NFASC: variants seen among roughly 807,000 people sequenced by gnomAD.
NFASC encodes the protein neurofascin homolog.
NFASC carries 43 observed loss-of-function variants against 147.5 expected under a neutral mutation model. That is an observed-to-expected ratio of 0.29 (90% CI 0.23 to 0.38). The LOEUF (loss-of-function observed/expected upper bound fraction) is 0.38. NFASC is among the 10% of genes least tolerant of loss of function. The pLI is 1.00. For missense variants in NFASC, 1,320 were observed against 1,689.0 expected (o/e 0.78, Z 3.83); for synonymous variants, 622 against 665.5 (o/e 0.93, Z 1.01).
At chr1:204,843,267 C>T (rs944538121) in intron 1 of NFASC, among the ~76,000 whole-genome samples, 52 of 152,224 alleles carry the variant, frequency 3.4e-4, no homozygotes, top group African/African-American at 1.2e-3. Context: ...ATTGTGCTTG[C>T]TGGGACTATT....
At chr1:204,962,413 A>T (rs2094723708) in intron 8 of NFASC, among the ~76,000 whole-genome samples, 2 of 152,244 alleles carry the variant, frequency 1.3e-5, no homozygotes, top group African/African-American at 4.8e-5. Flanking sequence ...CCAGGGTAGG[A>T]CTTCAAAAGA....
At chr1:204,830,592 A>ATGTG (rs1033952208) in intron 1 of NFASC, among the ~76,000 whole-genome samples, 4 of 143,994 alleles carry the variant, frequency 2.8e-5, no homozygotes, top group African/African-American at 1.0e-4. Context: ...GTGTGTTGTG[A>ATGTG]TGTGTGTGTG....
Position 204,830,138 on chromosome 1 carries a change from G to A in NFASC, c.-200+1356G>A, listed in dbSNP as rs1283989998. Reference sequence around the variant, plus strand: ...TGTCCCTGGCATGAGGGCCTAGTGCGTCTCATCTACCCTTGGAAATGTGCT... The same window carrying A: ...TGTCCCTGGCATGAGGGCCTAGTGCATCTCATCTACCCTTGGAAATGTGCT... On this transcript the variant is annotated intron_variant, in intron 1 of 29. Transcript: ENST00000339876. Among the ~76,000 whole-genome samples, 7 of 152,034 alleles carry A rather than the reference G, an allele frequency of 4.6e-5. No homozygotes were observed. The South Asian group carries it at 6.2e-4, about 13-fold the overall frequency.
At chr1:204,876,498 G>A (rs888605727) in intron 1 of NFASC, among the ~76,000 whole-genome samples, 17 of 151,978 alleles carry the variant, frequency 1.1e-4, no homozygotes, top group African/African-American at 4.1e-4. Flanking sequence ...GTACAGTTTG[G>A]TGGCATTAAG....
At chr1:204,908,552 C>T (rs1373682794) in intron 1 of NFASC, among the ~76,000 whole-genome samples, 2 of 151,962 alleles carry the variant, frequency 1.3e-5, no homozygotes, top group Non-Finnish European at 2.9e-5. Context: ...TCAGTTGTAG[C>T]AGATAACACT....
intron 1 of NFASC, among the ~76,000 whole-genome samples, chr1:204,835,014 G>C (rs750159308): frequency 5.3e-5 from 8 of 152,178 alleles, no homozygotes; most frequent in African/African-American, 1.9e-4. Flanking sequence ...TTGGGTCAGC[G>C]TTACCACATC....
At chr1:205,012,089 T>G (rs1363461564) in intron 28 of NFASC, among the ~76,000 whole-genome samples, 1 of 152,194 alleles carries the variant, frequency 6.6e-6, no homozygotes, top group Non-Finnish European at 1.5e-5. Flanking sequence ...TTCATGTAAG[T>G]GCCCGCTGTG....
At chr1:204,984,215 TATAAG>T in intron 21 of NFASC, 1 of 956,292 alleles carries the variant, frequency 1.0e-6, no homozygotes, top group South Asian at 1.3e-5. Flanking sequence ...AAATGCGGGC[TATAAG>T]ATATTTGAAA....
At chr1:204,861,542 T>G (rs890568254) in intron 1 of NFASC, among the ~76,000 whole-genome samples, 2 of 152,164 alleles carry the variant, frequency 1.3e-5, no homozygotes, top group Admixed American at 1.3e-4. Flanking sequence ...CAAGCTGGAG[T>G]GCAGTGGCGT....
chr1:205,001,378 T>G, intron 26 of NFASC, 92 bp downstream of exon 26: 2 of 758,826 alleles, frequency 2.6e-6, no homozygotes, highest in Non-Finnish European at 4.6e-6. Context: ...TCCTGTGAAC[T>G]CCCCCAGGCT....
intron 1 of NFASC, among the ~76,000 whole-genome samples, chr1:204,852,309 G>A (rs1257532554): frequency 1.3e-5 from 2 of 152,132 alleles, no homozygotes; most frequent in Admixed American, 1.3e-4. Context: ...GACCAGCCTG[G>A]CCAAAATGGC....
At chr1:204,991,818 G>T (rs559596267) in intron 24 of NFASC, among the ~76,000 whole-genome samples, 5 of 152,248 alleles carry the variant, frequency 3.3e-5, no homozygotes, top group African/African-American at 4.8e-5. Flanking sequence ...GGCTCTGCCA[G>T]CCACCACGGG....
intron 25 of NFASC, chr1:204,999,325 C>T (rs2150831824): frequency 6.6e-6 from 1 of 152,342 alleles, no homozygotes; most frequent in African/African-American, 2.4e-5. Flanking sequence ...TCTAAATCAT[C>T]TTGGCTTCCC....
intron 14 of NFASC, 125 bp downstream of exon 14, chr1:204,974,948 C>A: frequency 1.0e-6 from 1 of 991,318 alleles, no homozygotes; most frequent in Non-Finnish European, 1.5e-6. Context: ...GTGGGCTGCC[C>A]AGTTTGCACC....
At chr1:204,875,639 G>A (rs1040886829) in intron 1 of NFASC, among the ~76,000 whole-genome samples, 4 of 151,744 alleles carry the variant, frequency 2.6e-5, no homozygotes, top group African/African-American at 9.7e-5. Flanking sequence ...TCCAGGCCCG[G>A]GTTCTCTTCT....
Position 205,015,763 on chromosome 1 carries a change from C to A in NFASC, c.3492-545C>A, listed in dbSNP as rs952398861. Among the ~76,000 whole-genome samples, 5 of 152,152 alleles carry A rather than the reference C, an allele frequency of 3.3e-5. No individual in the cohort carries two copies. The East Asian group carries it at 7.8e-4, about 24-fold the overall frequency. ...AACCAGATAGCTCAGCGAAAGACAC[C>A]AAGACAGACAAGCAGAGAGGTGAGG... On this transcript the variant is annotated intron_variant, in intron 29 of 29. Coordinates refer to ENST00000339876, the MANE Select transcript of NFASC (RefSeq NM_001005388.3). The surrounding 1 kb of genome is among the most constrained non-coding windows in gnomAD (Gnocchi z 4.0).
intron 1 of NFASC, among the ~76,000 whole-genome samples, chr1:204,883,206 G>T (rs1298689977): frequency 6.6e-6 from 1 of 152,202 alleles, no homozygotes; most frequent in Non-Finnish European, 1.5e-5. Context: ...GCTATATGTG[G>T]CAAGCACTAT....
rs1558550437 is a variant in NFASC at position 204,877,079 on chromosome 1, TAA to T, written c.-199-43552_-199-43551del. On this transcript the variant is annotated intron_variant, in intron 1 of 29. Transcript: ENST00000339876. ...ATTTATTTATATATTTATATATATA[TAA>T]TATATTTATTTATATATTTATATAT... Among the ~76,000 whole-genome samples, 37 of 110,140 alleles carry T rather than the reference TAA, an allele frequency of 3.4e-4. 4 individuals carry two copies. In the East Asian group the frequency reaches 6.0e-3, roughly 18 times the overall value. 72.3% of individuals were successfully genotyped at this position (110,140 alleles called of 152,430 possible).
At chr1:204,964,545 C>A (rs1289582109) in intron 8 of NFASC, among the ~76,000 whole-genome samples, 1 of 152,240 alleles carries the variant, frequency 6.6e-6, no homozygotes. Flanking sequence ...GCTCCAACTA[C>A]TGCATATGAG....
Sources: allele counts gnomAD v4.1 joint callset (sites outside exome capture counted in the v4.1 genomes callset), GRCh38; gene constraint gnomAD v4.1.1; non-coding constraint Gnocchi (gnomAD v3.1); transcripts MANE v1.5; gene names NCBI Gene and HGNC (gene_info 2026-07-23, HGNC 2026-07-21).